The following PKD1 variants were observed in gnomAD, a reference collection of about 807,000 sequenced individuals.
The protein encoded by PKD1 is polycystin 1, transient receptor potential channel interacting, also known as polycystin-1.
A neutral mutation model predicts 361.7 loss-of-function variants in PKD1; 81 were observed. The ratio of observed to expected loss-of-function variants is 0.22; its 90% CI spans 0.19 to 0.27. PKD1 has a LOEUF of 0.27. Among genes scored for constraint, PKD1 ranks in the 10% least tolerant of loss-of-function variants. The pLI is 1.00. For missense variants in PKD1, 6,399 were observed against 6,118.3 expected, an observed-to-expected ratio of 1.05 and a Z score of -1.53; for synonymous variants, 3,615 against 2,818.3, an observed-to-expected ratio of 1.28 and a Z score of -8.95.
chr16:2,116,336 T>C (rs539469016), intron 8 of PKD1, among the ~76,000 whole-genome samples, 193 bp downstream of exon 8: 2 of 152,272 alleles, frequency 1.3e-5, no homozygotes, highest in East Asian at 3.9e-4. Context: ...TCACACACGC[T>C]CAGAGAAAAG....
At position 2,111,354 on chromosome 16, in the gene PKD1, T is replaced by C. The variant is rs752315162; in HGVS notation, c.3813A>G (p.Thr1271=). The part of the protein sequence containing the change: ...EHVYLRAQNC[T]VTVGAASPAG... ...CGGGGCTGGCCGCACCCACGGTCACTGTGCAGTTCTGTGCCCGCAGGTACA... is the reference window on the plus strand; with the variant it reads ...CGGGGCTGGCCGCACCCACGGTCACCGTGCAGTTCTGTGCCCGCAGGTACA... The change falls in exon 15 of 46, where the codon ACA becomes ACG. Residue 1271 remains threonine (T), a synonymous_variant. Transcript: ENST00000262304. 4 of 1,610,280 alleles carry C rather than the reference T, an allele frequency of 2.5e-6. No homozygotes were observed. The highest frequency in any genetic ancestry group is 1.3e-5 in the African/African-American group (1 of 75,002).
In PKD1 at chr16:2,112,444, A is replaced by G. The variant is rs1366673390; in HGVS notation, c.3191T>C (p.Leu1064Pro). The change falls in exon 14 of 46, where the codon CTC (leucine) becomes CCC (proline). Residue 1064 changes from leucine (L) to proline (P), a missense_variant. Transcript: ENST00000262304. The part of the protein sequence containing the change: ...LWTFGDGEQA[L>P]HQFQPPYNES... The stretch of plus-strand genomic sequence containing the variant: ...GTTGTACGGAGGCTGGAACTGGTGG[A>G]GGGCCTGCTCCCCATCCCCAAAGGT... The G allele has an allele frequency of 6.3e-7, 1 of 1,586,708 alleles. No homozygotes were observed. Among genetic ancestry groups the G allele is most frequent in the Admixed American group, 1.7e-5 (1 of 59,068 alleles).
In PKD1 at chr16:2,112,358, G is replaced by A. The variant is rs146352591; in HGVS notation, c.3277C>T (p.His1093Tyr). The part of the protein sequence containing the change: ...AQVLVEHNVM[H>Y]TYAAPGEYLL... Reference sequence around the variant, plus strand: ...CCCTCACCTGGGGCAGCGTAGGTGTGCATGACATTGTGCTCCACCAGCACC... The same window carrying A: ...CCCTCACCTGGGGCAGCGTAGGTGTACATGACATTGTGCTCCACCAGCACC... The change falls in exon 14 of 46, where the codon CAC becomes TAC. Residue 1093 changes from histidine to tyrosine, a missense_variant. Transcript: ENST00000262304. 7.6e-4 allele frequency: 1,211 copies of A among 1,587,338 alleles called. 9 individuals are homozygous for A. In the African/African-American group the frequency reaches 0.014, roughly 19 times the overall value.
chr16:2,110,872 G>A lies in PKD1; in HGVS notation c.4295C>T (p.Thr1432Met), dbSNP rs754666072. 5.6e-6 allele frequency: 9 copies of A among 1,611,782 alleles called. No individual in the cohort carries two copies. Among genetic ancestry groups the A allele is most frequent in the Non-Finnish European group, 1.7e-6 (2 of 1,179,838 alleles). The change falls in exon 15 of 46, where the codon ACG becomes ATG. Residue 1432 changes from threonine (T) to methionine (M), a missense_variant. Thr to Met is a moderately conservative substitution (Grantham distance 81). Transcript: ENST00000262304. ...GGAGCCTGGGTCTCGGTAGATGAAC[G>A]TCACCTCAGGGCCCCTGGCACGGGT... ...APTRARGPEV[T>M]FIYRDPGSYL...
intron 1 of PKD1, among the ~76,000 whole-genome samples, chr16:2,127,803 G>C (rs3952937): frequency 6.6e-6 from 1 of 150,974 alleles, no homozygotes; most frequent in African/African-American, 2.4e-5. Flanking sequence ...CGTGAACCCA[G>C]GTCTGACTCC....
rs1416264683 is a variant in PKD1 at position 2,106,011 on chromosome 16, T to G, written c.7717A>C (p.Thr2573Pro). ...VVALNRSLAI[T>P]LPEPNGSATG... ...GCGCTGCCGTTGGGCTCTGGGAGGG[T>G]GATGGCCAAAGACCTACGAGCAGAG... Residue 2573 changes from threonine (T) to proline (P), a missense_variant, in exon 20 of 46, where the codon ACC becomes CCC. Physicochemically the swap from Thr to Pro is conservative, Grantham distance 38. Coordinates refer to ENST00000262304, the MANE Select transcript of PKD1 (RefSeq NM_001009944.3). This position sits in a 1 kb window ranked among gnomAD's most constrained non-coding sequence, Gnocchi z 6.5. The G allele has an allele frequency of 1.9e-6, 3 of 1,604,486 alleles. No individual in the cohort carries two copies. Among genetic ancestry groups the G allele is most frequent in the Non-Finnish European group, 2.5e-6 (3 of 1,179,316 alleles).
chr16:2,098,097 T>C, intron 30 of PKD1, 113 bp from the exon 31 acceptor site: 1 of 674,830 alleles, frequency 1.5e-6, no homozygotes, highest in Non-Finnish European at 2.7e-6. Context: ...TGACAGAATG[T>C]CCTAGAATGC....
chr16:2,131,633 A>G (rs1466615788), intron 1 of PKD1, among the ~76,000 whole-genome samples: 1 of 151,866 alleles, frequency 6.6e-6, no homozygotes, highest in Non-Finnish European at 1.5e-5. Flanking sequence ...AGCCTGACCA[A>G]CATGGTGAAA....
At position 2,111,779 on chromosome 16, in the gene PKD1, C is replaced by T. The variant is rs780163128; in HGVS notation, c.3388G>A (p.Ala1130Thr). 3 of 1,607,976 alleles carry T rather than the reference C, an allele frequency of 1.9e-6. No individual in the cohort carries two copies. In the South Asian group the frequency reaches 3.3e-5, roughly 18 times the overall value. ...VSVRASLPSV[A>T]VGVSDGVLVA... ...AGGACGCCGTCACTCACACCCACAG[C>T]CACGGAGGGCAGGGAGGCGCGCACG... Residue 1130 changes from alanine (A) to threonine (T), a missense_variant, in exon 15 of 46, where the codon GCT (alanine) becomes ACT (threonine). Ala to Thr is a moderately conservative substitution (Grantham distance 58). Transcript: ENST00000262304.
At chr16:2,116,801 C>G in intron 7 of PKD1, 32 bp downstream of exon 7, 1 of 1,324,382 alleles carries the variant, frequency 7.6e-7, no homozygotes, top group South Asian at 1.3e-5. Context: ...CCACAGCCAG[C>G]GTCTCAGGCC....
intron 11 of PKD1, 69 bp downstream of exon 11, chr16:2,114,101 G>C: frequency 7.7e-7 from 1 of 1,291,602 alleles, no homozygotes; most frequent in Non-Finnish European, 1.1e-6. Flanking sequence ...CAGGCCTCAC[G>C]CCCTGTGTGA....
chr16:2,088,793 A>C lies in PKD1; in HGVS notation c.*934T>G. ...CGAGGCTCTAGAAGCGGCCATGCCCACAGAAGTGGTACACAGAAGCAGGCA... is the reference window on the plus strand; with the variant it reads ...CGAGGCTCTAGAAGCGGCCATGCCCCCAGAAGTGGTACACAGAAGCAGGCA... On this transcript the variant is annotated 3_prime_UTR_variant, in exon 46 of 46. Coordinates refer to ENST00000262304, the MANE Select transcript of PKD1 (RefSeq NM_001009944.3). 1 of 810,140 alleles carries C rather than the reference A, an allele frequency of 1.2e-6. No individual in the cohort carries two copies. The highest frequency in any genetic ancestry group is 1.9e-6 in the Non-Finnish European group (1 of 526,562). 50.2% of individuals were successfully genotyped at this position (810,140 alleles called of 1,614,324 possible).
Position 2,097,856 on chromosome 16 carries a change from T to G in PKD1, c.10167+12A>C. The G allele has an allele frequency of 1.2e-6, 2 of 1,604,192 alleles. No individual in the cohort carries two copies. Among genetic ancestry groups the G allele is most frequent in the Non-Finnish European group, 1.7e-6 (2 of 1,173,570 alleles). On this transcript the variant is annotated intron_variant, in intron 31 of 45. Transcript: ENST00000262304. ...CCCCAGCCCAGCCCAGGACCCCCAG[T>G]AGAGTCCTCACCTCAGCGTGGAGGC...
At chr16:2,122,006 A>G (rs1296151232) in intron 1 of PKD1, among the ~76,000 whole-genome samples, 1 of 152,230 alleles carries the variant, frequency 6.6e-6, no homozygotes, top group Non-Finnish European at 1.5e-5. Flanking sequence ...CTCCGCTCCC[A>G]CAGGAGCCTA....
At chr16:2,120,476 G>A (rs2092703343) in intron 1 of PKD1, among the ~76,000 whole-genome samples, 2 of 152,166 alleles carry the variant, frequency 1.3e-5, no homozygotes, top group African/African-American at 4.8e-5. Context: ...TGTAAACCCA[G>A]TGCTTTGGGA....
Position 2,106,498 on chromosome 16 carries a change from G to T in PKD1, c.7389C>A (p.Ile2463=). 2 of 1,594,534 alleles carry T rather than the reference G, an allele frequency of 1.3e-6. No individual in the cohort carries two copies. The highest frequency in any genetic ancestry group is 1.7e-6 in the Non-Finnish European group (2 of 1,178,010). The change falls in exon 18 of 46, where the codon ATC becomes ATA. Residue 2463 remains isoleucine (I), a synonymous_variant. Transcript: ENST00000262304. This position sits in a 1 kb window ranked among gnomAD's most constrained non-coding sequence, Gnocchi z 6.5. ...RSGEEEGCAS[I]RLSPNRPPLG... ...GCGGCGGGCGGTTGGGGGACAGGCG[G>T]ATGGAGGCGCAGCCCTCCTCCTCGC...
chr16:2,090,381 C>G lies in PKD1; in HGVS notation c.12348G>C (p.Glu4116Asp). The stretch of plus-strand genomic sequence containing the variant: ...GGGGCTCCCAGGCCGGCCGGTACAG[C>G]TCTCCACGCAAGGCGTGGTAGCGCC... ...LRWRYHALRG[E>D]LYRPAWEPQD... Residue 4116 changes from glutamate (E) to aspartate (D), a missense_variant, in exon 45 of 46, where the codon GAG (glutamate) becomes GAC (aspartate). Physicochemically the swap from Glu to Asp is conservative, Grantham distance 45 (BLOSUM62 2). Coordinates refer to ENST00000262304, the MANE Select transcript of PKD1 (RefSeq NM_001009944.3). The G allele has an allele frequency of 6.2e-7, 1 of 1,612,712 alleles. No individual in the cohort carries two copies. The highest frequency in any genetic ancestry group is 8.5e-7 in the Non-Finnish European group (1 of 1,179,930).
At position 2,090,526 on chromosome 16, in the gene PKD1, C is replaced by T; in HGVS notation, c.12203G>A (p.Gly4068Glu). Reference sequence around the variant, plus strand: ...AGGACACAGGGTAGAGAGCCCAGTCCCAGGGCACAGCACCAACAGGGCCTG... The same window carrying T: ...AGGACACAGGGTAGAGAGCCCAGTCTCAGGGCACAGCACCAACAGGGCCTG... ...VAQALLVLCP[G>E]TGLSTLCPAE... Residue 4068 changes from glycine (G) to glutamate (E), a missense_variant, in exon 45 of 46, where the codon GGG (glycine) becomes GAG (glutamate). By Grantham distance (98) the Gly-to-Glu change is moderately conservative. Coordinates refer to ENST00000262304, the MANE Select transcript of PKD1 (RefSeq NM_001009944.3). 1 of 1,610,646 alleles carries T rather than the reference C, an allele frequency of 6.2e-7. No homozygotes were observed. Among genetic ancestry groups the T allele is most frequent in the Non-Finnish European group, 8.5e-7 (1 of 1,179,460 alleles).
Position 2,091,450 on chromosome 16 carries a change from C to T in PKD1, c.11685G>A (p.Ala3895=), listed in dbSNP as rs1263460209. ...VRPFALRRLS[A]GLSLPLLTSV... is the part of the protein sequence containing the mutation. ...AGGTGAGCAGAGGCAGCGAGAGGCC[C>T]GCGCTGAGGCGGCGCAGCGCAAAGG... is the stretch of plus-strand genomic sequence containing the variant. The change falls in exon 42 of 46, where the codon GCG becomes GCA. Residue 3895 remains alanine, a synonymous_variant. Coordinates refer to ENST00000262304, the MANE Select transcript of PKD1 (RefSeq NM_001009944.3). 3 of 1,221,848 alleles carry T rather than the reference C, an allele frequency of 2.5e-6. No homozygotes were observed. The highest frequency in any genetic ancestry group is 2.0e-6 in the Non-Finnish European group (2 of 978,714). The allele number at this position is 1,221,848 out of a possible 1,614,324, so 75.7% of individuals were successfully genotyped here.
Sources: allele counts gnomAD v4.1 joint callset (sites outside exome capture counted in the v4.1 genomes callset), GRCh38; gene constraint gnomAD v4.1.1; non-coding constraint Gnocchi (gnomAD v3.1); transcripts MANE v1.5; gene names NCBI Gene and HGNC (gene_info 2026-07-23, HGNC 2026-07-21).